DAB1: variants seen among roughly 807,000 people sequenced by gnomAD.
DAB1 encodes the protein DAB adaptor protein 1, also known as disabled homolog 1.
A neutral mutation model predicts 64.6 loss-of-function variants in DAB1; 15 were observed. The ratio of observed to expected loss-of-function variants is 0.23; its 90% CI spans 0.16 to 0.36. The LOEUF is 0.36. Among genes scored for constraint, DAB1 ranks in the 10% least tolerant of loss-of-function variants. The pLI is 1.00. For synonymous variants in DAB1, 235 were observed against 251.9 expected, an observed-to-expected ratio of 0.93 and a Z score of 0.64; for missense variants, 596 against 706.7, an observed-to-expected ratio of 0.84 and a Z score of 1.78.
At chr1:57,560,158 C>T (rs946408187) in intron 7 of DAB1, among the ~76,000 whole-genome samples, 7 of 152,228 alleles carry the variant, frequency 4.6e-5, no homozygotes, top group South Asian at 4.1e-4. Flanking sequence ...GAGCAATCTG[C>T]CTTCAGCTGG....
chr1:58,059,749 C>A (rs1648372972), intron 5 of DAB1, among the ~76,000 whole-genome samples: 2 of 152,162 alleles, frequency 1.3e-5, no homozygotes. Context: ...TCAGTCTGCC[C>A]AATAACCTCA....
At chr1:58,439,009 G>A (rs931479118) in intron 3 of DAB1, among the ~76,000 whole-genome samples, 15 of 152,170 alleles carry the variant, frequency 9.9e-5, no homozygotes, top group African/African-American at 3.1e-4. Flanking sequence ...CGAGGGGGTG[G>A]GGGCCAGGGC....
At position 57,706,386 on chromosome 1, in the gene DAB1, C is replaced by T. The variant is rs147462191; in HGVS notation, n.552-56721G>A. ...TGTGGTACCATCAGGGCTCACTGCA[C>T]CCTCAACCTCCCCAGGCTCAGGTGA... On this transcript the variant is annotated intron_variant and non_coding_transcript_variant, in intron 6 of 20. Coordinates refer to the DAB1 transcript ENST00000485760. Among the ~76,000 whole-genome samples the T allele has an allele frequency of 1.1e-3, 162 of 151,976 alleles. 2 individuals are homozygous for T. The East Asian group carries it at 0.02, about 18-fold the overall frequency.
intron 6 of DAB1, among the ~76,000 whole-genome samples, chr1:57,777,330 T>C (rs1381834358): frequency 6.6e-6 from 1 of 151,702 alleles, no homozygotes; most frequent in Non-Finnish European, 1.5e-5. Context: ...ATTTAATTTC[T>C]TTAATCTTTG....
intron 4 of DAB1, among the ~76,000 whole-genome samples, chr1:58,232,893 T>G (rs558173768): frequency 1.3e-5 from 2 of 152,328 alleles, no homozygotes; most frequent in South Asian, 4.1e-4. Flanking sequence ...TTTTCTCTCT[T>G]CCCATTTGTT....
chr1:58,476,773 G>A (rs1645422995), intron 3 of DAB1, among the ~76,000 whole-genome samples: 1 of 152,128 alleles, frequency 6.6e-6, no homozygotes, highest in Non-Finnish European at 1.5e-5. Context: ...TTTAAATCAG[G>A]GAAAAGGTGT....
intron 3 of DAB1, among the ~76,000 whole-genome samples, chr1:58,501,739 C>A (rs183224272): frequency 1.3e-5 from 2 of 152,156 alleles, no homozygotes; most frequent in Non-Finnish European, 2.9e-5. Context: ...TAACTGTGTG[C>A]TAAGGACTCA....
rs1553199764 is a variant in DAB1 at position 57,608,394 on chromosome 1, A to AG, written n.625+41197_625+41198insC. On this transcript the variant is annotated intron_variant and non_coding_transcript_variant, in intron 7 of 20. Coordinates refer to the DAB1 transcript ENST00000485760. Reference sequence around the variant, plus strand: ...CAACATGCTGTGAAGATATTAAAAAAAGAGAGAGAGAGAGAGAGAAATGCA... The same window carrying AG: ...CAACATGCTGTGAAGATATTAAAAAAGAGAGAGAGAGAGAGAGAGAAATGCA... Among the ~76,000 whole-genome samples, 86 of 150,766 alleles carry AG rather than the reference A, an allele frequency of 5.7e-4. No homozygotes were observed. The East Asian group carries it at 9.0e-3, about 16-fold the overall frequency.
At chr1:58,214,568 G>A (rs1230947217) in intron 4 of DAB1, among the ~76,000 whole-genome samples, 1 of 152,112 alleles carries the variant, frequency 6.6e-6, no homozygotes, top group East Asian at 1.9e-4. Context: ...CTGAAAAGTG[G>A]CCACTGGATT....
chr1:58,531,149 T>C (rs967383809), intron 1 of DAB1, among the ~76,000 whole-genome samples: 1 of 152,156 alleles, frequency 6.6e-6, no homozygotes, highest in Admixed American at 6.5e-5. Flanking sequence ...TTTAATATAG[T>C]TGCATCATTT....
chr1:57,882,148 G>A (rs1488928628), intron 1 of DAB1, among the ~76,000 whole-genome samples: 1 of 152,214 alleles, frequency 6.6e-6, no homozygotes, highest in Non-Finnish European at 1.5e-5. Context: ...CAGTATGATA[G>A]AGAGTTGGAA....
At chr1:58,535,339 A>T (rs1485443299) in intron 1 of DAB1, among the ~76,000 whole-genome samples, 3 of 152,170 alleles carry the variant, frequency 2.0e-5, no homozygotes, top group African/African-American at 7.2e-5. Context: ...ATGGTGGCTC[A>T]TGCCTGTAAT....
At chr1:57,962,743 A>G (rs1039217954) in intron 5 of DAB1, among the ~76,000 whole-genome samples, 1 of 151,578 alleles carries the variant, frequency 6.6e-6, no homozygotes, top group Non-Finnish European at 1.5e-5. Flanking sequence ...ATGTGCCTGT[A>G]GTTCCTGTAG....
intron 7 of DAB1, among the ~76,000 whole-genome samples, chr1:57,440,769 T>TGTTCCAGTTAGTTA (rs1553182156): frequency 2.6e-5 from 4 of 152,234 alleles, no homozygotes. Context: ...CTTCTGTATG[T>TGTTCCAGTTAGTTA]GTTCCAGTTA....
At chr1:58,427,800 T>G (rs751286447) in intron 3 of DAB1, among the ~76,000 whole-genome samples, 26 of 152,082 alleles carry the variant, frequency 1.7e-4, no homozygotes, top group Admixed American at 1.1e-3. Flanking sequence ...AAATCTAGAG[T>G]TCAGGGGAGA....
intron 4 of DAB1, among the ~76,000 whole-genome samples, chr1:58,330,275 C>T (rs1662939430): frequency 6.6e-6 from 1 of 152,238 alleles, no homozygotes; most frequent in Non-Finnish European, 1.5e-5. Context: ...AAAGCCCCAA[C>T]TCTTCCTCAA....
At chr1:57,643,847 C>G (rs1301077171) in intron 7 of DAB1, among the ~76,000 whole-genome samples, 1 of 152,170 alleles carries the variant, frequency 6.6e-6, no homozygotes. Flanking sequence ...GGACCTCAAA[C>G]ATCTAGGACT....
intron 3 of DAB1, among the ~76,000 whole-genome samples, chr1:58,366,504 A>G (rs1050143109): frequency 6.6e-6 from 1 of 152,246 alleles, no homozygotes; most frequent in African/African-American, 2.4e-5. Flanking sequence ...TATAGGCATC[A>G]AAGACTTTGA....
In DAB1 at chr1:57,723,865, G is replaced by T. The variant is rs191288202; in HGVS notation, n.552-74200C>A. Among the ~76,000 whole-genome samples, 232 of 152,254 alleles carry T rather than the reference G, an allele frequency of 1.5e-3. 1 individual carries two copies. Among genetic ancestry groups the T allele is most frequent in the Admixed American group, 7.6e-3 (116 of 15,298 alleles). On this transcript the variant is annotated intron_variant and non_coding_transcript_variant, in intron 6 of 20. Transcript: ENST00000485760. ...AGGAGTTTGTTAAAATGGCAGATGA[G>T]TGAAGCAAAAACTATTGTGGGCTTC...
Sources: gnomAD v4.1 joint callset for allele counts (sites outside exome capture counted in the v4.1 genomes callset) on GRCh38, gnomAD v4.1.1 for gene constraint, MANE v1.5 for transcripts, NCBI Gene and HGNC (gene_info 2026-07-23, HGNC 2026-07-21) for gene names.